MRE11: variants seen among roughly 807,000 people sequenced by gnomAD.
MRE11 encodes the protein MRE11 double strand break repair nuclease.
MRE11 carries 62 observed loss-of-function variants against 91.7 expected under a neutral mutation model. The observed-to-expected ratio is 0.68, with a 90% CI of 0.55 to 0.84. The LOEUF (loss-of-function observed/expected upper bound fraction) is 0.84, where lower values mean the gene tolerates loss of function less well. Ranked by LOEUF, MRE11 falls within the 40% of genes least tolerant of loss-of-function variation. The pLI is 0.00. For synonymous variants in MRE11, 273 were observed against 271.4 expected (o/e 1.01, Z -0.06); for missense variants, 796 against 852.9 (o/e 0.93, Z 0.83).
chr11:94,419,465 G>GGGGAGAGGGAGAGAGAGA lies in MRE11; in HGVS notation c.*659_*660insTCTCTCTCTCCCTCTCCC, dbSNP rs373002609. On this transcript the variant is annotated 3_prime_UTR_variant, in exon 20 of 20. Transcript: ENST00000323929. ...GAAGAGTGGGGAACGGGGGGGAGAG[G>GGGGAGAGGGAGAGAGAGA]GAGAGAGAGAGAGAGAGAGAGAGAG... The GGGGAGAGGGAGAGAGAGA allele has an allele frequency of 6.0e-5, 13 of 216,370 alleles. No homozygotes were observed. Among genetic ancestry groups the GGGGAGAGGGAGAGAGAGA allele is most frequent in the Non-Finnish European group, 9.7e-5 (11 of 112,948 alleles). 13.4% of individuals were successfully genotyped at this position (216,370 alleles called of 1,614,324 possible).
At chr11:94,494,946 A>C (rs935909733), upstream of MRE11, among the ~76,000 whole-genome samples, 1 of 152,230 alleles carries the variant, frequency 6.6e-6, no homozygotes, top group African/African-American at 2.4e-5. Flanking sequence ...TGAGAATCAA[A>C]GAAAAAGTGG....
At chr11:94,508,068 C>G in the MRE11 span, among the ~76,000 whole-genome samples, 1 of 152,108 alleles carries the variant, frequency 6.6e-6, no homozygotes, top group Non-Finnish European at 1.5e-5. Context: ...TTCTGCGGCT[C>G]AAGCAATTCT....
upstream of MRE11, chr11:94,498,390 T>C (rs1488987325): frequency 6.2e-7 from 1 of 1,613,102 alleles, no homozygotes; most frequent in East Asian, 2.2e-5. Context: ...ACCCTAGAAC[T>C]CCTCCTGATG....
chr11:94,511,052 G>A, the MRE11 span, among the ~76,000 whole-genome samples: 3 of 152,240 alleles, frequency 2.0e-5, no homozygotes, highest in African/African-American at 7.2e-5. Flanking sequence ...AACACTGTGG[G>A]TACTGGAGAG....
chr11:94,494,511 G>A (rs1400144214), upstream of MRE11, among the ~76,000 whole-genome samples: 1 of 152,082 alleles, frequency 6.6e-6, no homozygotes, highest in Non-Finnish European at 1.5e-5. Flanking sequence ...TTATAGCCCC[G>A]CCTATCACTG....
intron 9 of MRE11, among the ~76,000 whole-genome samples, chr11:94,469,601 G>A (rs917290949): frequency 6.6e-6 from 1 of 152,086 alleles, no homozygotes; most frequent in Middle Eastern, 3.2e-3. Context: ...GTACACTTTT[G>A]GTTACGTGAG....
upstream of MRE11, chr11:94,496,597 T>C: frequency 1.7e-6 from 2 of 1,149,622 alleles, no homozygotes; most frequent in South Asian, 3.2e-5. Flanking sequence ...TGTATTTGTG[T>C]TTTCAGATCT....
At chr11:94,498,132 A>T, upstream of MRE11, 1 of 1,614,096 alleles carries the variant, frequency 6.2e-7, no homozygotes, top group Non-Finnish European at 8.5e-7. Context: ...AGGGATGAAG[A>T]TGAGTATACC....
chr11:94,477,353 G>A (rs1034291517), intron 6 of MRE11, among the ~76,000 whole-genome samples: 1 of 151,990 alleles, frequency 6.6e-6, no homozygotes, highest in Non-Finnish European at 1.5e-5. Context: ...TACTCCACAG[G>A]TTCACCTTGA....
At chr11:94,436,933 T>G (rs376589042) in intron 17 of MRE11, among the ~76,000 whole-genome samples, 2 of 152,130 alleles carry the variant, frequency 1.3e-5, no homozygotes, top group Middle Eastern at 3.2e-3. Flanking sequence ...CTGTTATCCT[T>G]GAAAACATTA....
chr11:94,496,653 C>T, upstream of MRE11: 1 of 1,492,128 alleles, frequency 6.7e-7, no homozygotes, highest in Non-Finnish European at 9.0e-7. Context: ...GATTTATATC[C>T]TGGCATTTGA....
chr11:94,503,695 CAA>C, the MRE11 span, among the ~76,000 whole-genome samples: 17 of 124,636 alleles, frequency 1.4e-4, no homozygotes, highest in Non-Finnish European at 1.4e-4. Context: ...GACTCCGTGT[CAA>C]AAAAAAAAAA....
At chr11:94,486,415 T>C (rs541758747) in intron 3 of MRE11, among the ~76,000 whole-genome samples, 1 of 152,192 alleles carries the variant, frequency 6.6e-6, no homozygotes, top group African/African-American at 2.4e-5. Flanking sequence ...CCAAATTCAA[T>C]CCAAATCATT....
the MRE11 span, among the ~76,000 whole-genome samples, chr11:94,510,584 A>C: frequency 1.3e-5 from 2 of 152,230 alleles, no homozygotes; most frequent in African/African-American, 4.8e-5. Flanking sequence ...AACCCATATT[A>C]GGTAAGGATA....
Position 94,483,051 on chromosome 11 carries a change from A to G in MRE11, c.314+2873T>C, listed in dbSNP as rs537573940. On this transcript the variant is annotated intron_variant, in intron 4 of 19. Transcript: ENST00000323929. ...GGACAAAGTATTATACAAATCTTTT[A>G]AAACTCAATTATATATGCAGCCAAA... 4.0e-4 allele frequency among the ~76,000 whole-genome samples: 61 copies of G among 152,380 alleles called. 1 individual carries two copies. The South Asian group carries it at 9.1e-3, about 23-fold the overall frequency.
chr11:94,434,575 T>C (rs7481185), intron 18 of MRE11, among the ~76,000 whole-genome samples: 8 of 152,102 alleles, frequency 5.3e-5, no homozygotes, highest in African/African-American at 1.9e-4. Context: ...CTTTCTGGAG[T>C]TCCTGCTCAT....
At position 94,459,412 on chromosome 11, in the gene MRE11, T is replaced by A. The variant is rs774145193; in HGVS notation, c.1496A>T (p.Glu499Val). The A allele has an allele frequency of 6.2e-7, 1 of 1,613,914 alleles. No homozygotes were observed. The highest frequency in any genetic ancestry group is 8.5e-7 in the Non-Finnish European group (1 of 1,179,858). ...HIDALEDKID[E>V]EVRRFRETRQ... ...ACACTCAAATTAGTTACTTACCTCCTCATCGATTTTGTCTTCGAGGGCATC... is the reference window on the plus strand; with the variant it reads ...ACACTCAAATTAGTTACTTACCTCCACATCGATTTTGTCTTCGAGGGCATC... The change falls in exon 13 of 20, where the codon GAG (glutamate) becomes GTG (valine). Residue 499 changes from glutamate (E) to valine (V), a missense_variant. Coordinates refer to ENST00000323929, the MANE Select transcript of MRE11 (RefSeq NM_005591.4).
intron 17 of MRE11, 91 bp from the exon 18 acceptor site, chr11:94,435,990 TAA>T: frequency 8.6e-7 from 1 of 1,168,136 alleles, no homozygotes. Flanking sequence ...GATTAAATCT[TAA>T]GTTATATATG....
chr11:94,479,337 C>T (rs1946955684), intron 5 of MRE11, among the ~76,000 whole-genome samples: 2 of 152,104 alleles, frequency 1.3e-5, no homozygotes, highest in South Asian at 4.1e-4. Flanking sequence ...TGGTCTTGAA[C>T]AATCATTTCC....
Sources: allele counts gnomAD v4.1 joint callset (sites outside exome capture counted in the v4.1 genomes callset), GRCh38; gene constraint gnomAD v4.1.1; transcripts MANE v1.5; gene names NCBI Gene and HGNC (gene_info 2026-07-23, HGNC 2026-07-21).